AHR: variants seen among roughly 807,000 people sequenced by gnomAD.
AHR encodes aryl hydrocarbon receptor.
A neutral mutation model predicts 86.8 loss-of-function variants in AHR; 40 were observed. The ratio of observed to expected loss-of-function variants is 0.46; its 90% CI spans 0.36 to 0.60. The LOEUF is 0.60. Ranked by LOEUF, AHR falls within the 20% of genes least tolerant of loss-of-function variation. The pLI is 0.00. For missense variants in AHR, 1,001 were observed against 1,011.6 expected (o/e 0.99, Z 0.14); for synonymous variants, 398 against 354.9 (o/e 1.12, Z -1.37).
In AHR at chr7:17,339,573, C is replaced by G. The variant is rs202073016; in HGVS notation, c.1748C>G (p.Thr583Arg). ...RDIDLTDEIL[T>R]YVQDSLSKSP... ...ATTGACTTAACGGATGAAATCCTGA[C>G]GTATGTCCAAGATTCTTTAAGTAAG... The change falls in exon 10 of 11, where the codon ACG becomes AGG. Residue 583 changes from threonine to arginine, a missense_variant. This residue lies in a region of AHR where 607 missense variants were observed against 543.1 expected (regional missense o/e 1.12). Coordinates refer to ENST00000242057, the MANE Select transcript of AHR (RefSeq NM_001621.5). 6.2e-7 allele frequency: 1 copy of G among 1,614,000 alleles called. No homozygotes were observed. Among genetic ancestry groups the G allele is most frequent in the African/African-American group, 1.3e-5 (1 of 74,918 alleles).
chr7:17,327,221 G>A (rs1171018550), intron 3 of AHR, among the ~76,000 whole-genome samples: 1 of 151,872 alleles, frequency 6.6e-6, no homozygotes, highest in Non-Finnish European at 1.5e-5. Flanking sequence ...CTGTATGCTT[G>A]CTTTACATGT....
intron 2 of AHR, among the ~76,000 whole-genome samples, chr7:17,322,258 A>G (rs1782182232): frequency 6.6e-6 from 1 of 151,998 alleles, no homozygotes; most frequent in African/African-American, 2.4e-5. Context: ...ATTTTTAACA[A>G]TCTGTCAGCT....
chr7:17,306,952 A>G (rs1782011979), intron 1 of AHR, among the ~76,000 whole-genome samples: 1 of 152,200 alleles, frequency 6.6e-6, no homozygotes, highest in South Asian at 2.1e-4. Context: ...ATTTAAGCTT[A>G]CATAGAAATA....
At position 17,327,855 on chromosome 7, in the gene AHR, A is replaced by G. The variant is rs1198649538; in HGVS notation, c.450+7A>G. 8 of 1,311,620 alleles carry G rather than the reference A, an allele frequency of 6.1e-6. No individual in the cohort carries two copies. Among genetic ancestry groups the G allele is most frequent in the Non-Finnish European group, 8.2e-6 (8 of 970,550 alleles). 81.2% of individuals were successfully genotyped at this position (1,311,620 alleles called of 1,614,324 possible). A position where few individuals can be genotyped will look rare whatever the true frequency, so the allele number is the denominator to read the frequency against. ...TTATCTAGGGTTTCAGCAGGTAAGTATATATTATTTATATCATTTATATTA... is the reference window on the plus strand; with the variant it reads ...TTATCTAGGGTTTCAGCAGGTAAGTGTATATTATTTATATCATTTATATTA... On this transcript the variant is annotated splice_region_variant and intron_variant, in intron 4 of 10. Transcript: ENST00000242057.
intron 1 of AHR, among the ~76,000 whole-genome samples, chr7:17,303,784 A>G (rs747377554): frequency 3.3e-5 from 5 of 152,082 alleles, no homozygotes; most frequent in Non-Finnish European, 7.4e-5. Flanking sequence ...GGGATAGAAA[A>G]GTATGTGTTG....
chr7:17,330,391 A>G (rs1307065446), intron 5 of AHR, among the ~76,000 whole-genome samples: 1 of 151,956 alleles, frequency 6.6e-6, no homozygotes, highest in African/African-American at 2.4e-5. Context: ...CATGTAAATT[A>G]TTGTGTTTAA....
chr7:17,322,674 C>G, intron 3 of AHR, 67 bp downstream of exon 3: 1 of 1,048,910 alleles, frequency 9.5e-7, no homozygotes, highest in Non-Finnish European at 1.4e-6. Context: ...ATTAATAAGT[C>G]TTTTAGTAAT....
intron 1 of AHR, among the ~76,000 whole-genome samples, chr7:17,299,539 C>A (rs574636687): frequency 2.0e-5 from 3 of 152,242 alleles, no homozygotes; most frequent in African/African-American, 7.2e-5. Flanking sequence ...AAATTGTCCT[C>A]CCACCCATCC....
chr7:17,318,855 G>A (rs1782142169), intron 2 of AHR, among the ~76,000 whole-genome samples: 1 of 152,104 alleles, frequency 6.6e-6, no homozygotes, highest in African/African-American at 2.4e-5. Flanking sequence ...AAGTAGGCCA[G>A]AGAAAAGAAA....
intron 3 of AHR, 37 bp from the exon 4 acceptor site, chr7:17,327,722 G>A (rs779734359): frequency 1.7e-6 from 2 of 1,184,894 alleles, no homozygotes; most frequent in South Asian, 2.7e-5. Context: ...TCAATATTAA[G>A]TCATATTACT....
chr7:17,325,606 T>C (rs1421011791), intron 3 of AHR, among the ~76,000 whole-genome samples: 2 of 152,208 alleles, frequency 1.3e-5, no homozygotes, highest in Admixed American at 6.5e-5. Context: ...ATATCATATT[T>C]GCAGTCAAAA....
rs757747232 is a variant in AHR at position 17,339,218 on chromosome 7, G to A, written c.1393G>A (p.Glu465Lys). 3.1e-6 allele frequency: 5 copies of A among 1,614,170 alleles called. No individual in the cohort carries two copies. In the Admixed American group the frequency reaches 5.0e-5, roughly 16 times the overall value. Reference sequence around the variant, plus strand: ...CCTGGCTGCCATGATGCAACAAGATGAGTCTATTTATCTCTATCCTGCTTC... The same window carrying A: ...CCTGGCTGCCATGATGCAACAAGATAAGTCTATTTATCTCTATCCTGCTTC... ...SLLAAMMQQD[E>K]SIYLYPASST... Residue 465 changes from glutamate (E) to lysine (K), a missense_variant, in exon 10 of 11, where the codon GAG (glutamate) becomes AAG (lysine). Glu to Lys is a moderately conservative substitution (Grantham distance 56, BLOSUM62 1). This residue lies in a region of AHR where 607 missense variants were observed against 543.1 expected (regional missense o/e 1.12). Coordinates refer to ENST00000242057, the MANE Select transcript of AHR (RefSeq NM_001621.5).
intron 2 of AHR, among the ~76,000 whole-genome samples, chr7:17,314,108 C>A (rs1365833027): frequency 6.6e-6 from 1 of 151,964 alleles, no homozygotes; most frequent in Non-Finnish European, 1.5e-5. Context: ...ATTGAGAATT[C>A]GGGAATGACT....
chr7:17,316,416 C>T (rs1026451423), intron 2 of AHR, among the ~76,000 whole-genome samples: 1 of 152,038 alleles, frequency 6.6e-6, no homozygotes, highest in African/African-American at 2.4e-5. Context: ...AGCAGGAGTT[C>T]GAGACCAGCC....
At chr7:17,304,507 C>G (rs1781986199) in intron 1 of AHR, among the ~76,000 whole-genome samples, 1 of 152,020 alleles carries the variant, frequency 6.6e-6, no homozygotes, top group Non-Finnish European at 1.5e-5. Flanking sequence ...CTGGCTCCTG[C>G]TTTTCTTGTT....
chr7:17,306,621 G>T (rs1782008868), intron 1 of AHR, among the ~76,000 whole-genome samples: 1 of 151,906 alleles, frequency 6.6e-6, no homozygotes, highest in African/African-American at 2.4e-5. Flanking sequence ...TATTACTGAG[G>T]TCTATCCTCA....
At chr7:17,306,918 C>T (rs1782011719) in intron 1 of AHR, among the ~76,000 whole-genome samples, 1 of 152,094 alleles carries the variant, frequency 6.6e-6, no homozygotes, top group Admixed American at 6.6e-5. Flanking sequence ...CTCTATTATG[C>T]TGGGCATTAA....
At chr7:17,327,944 A>T in intron 4 of AHR, 96 bp downstream of exon 4, 1 of 383,186 alleles carries the variant, frequency 2.6e-6, no homozygotes, top group Non-Finnish European at 4.2e-6. Context: ...ATAAAGTATC[A>T]ATATATGCTG....
chr7:17,329,049 G>C (rs1421993959), intron 4 of AHR, among the ~76,000 whole-genome samples: 1 of 151,902 alleles, frequency 6.6e-6, no homozygotes, highest in Non-Finnish European at 1.5e-5. Flanking sequence ...GAAAATCAGA[G>C]AGATTAGCCA....
Sources: gnomAD v4.1 joint callset for allele counts (sites outside exome capture counted in the v4.1 genomes callset) on GRCh38, gnomAD v4.1.1 for gene constraint, gnomAD v4.1.1 regional missense constraint, MANE v1.5 for transcripts, NCBI Gene and HGNC (gene_info 2026-07-23, HGNC 2026-07-21) for gene names.